The following ACSM2B variants were observed in gnomAD, a reference collection of about 807,000 sequenced individuals.
The protein encoded by ACSM2B is acyl-CoA synthetase medium chain family member 2B.
A neutral mutation model predicts 78.6 loss-of-function variants in ACSM2B; 58 were observed. The ratio of observed to expected loss-of-function variants is 0.74; its 90% CI spans 0.60 to 0.92. The LOEUF (loss-of-function observed/expected upper bound fraction) is 0.92, where lower values mean the gene tolerates loss of function less well. Ranked by LOEUF, ACSM2B falls within the 40% of genes least tolerant of loss-of-function variation. ACSM2B has a pLI of 0.00. For missense variants in ACSM2B, 688 were observed against 711.2 expected (o/e 0.97, Z 0.37); for synonymous variants, 257 against 256.8 (o/e 1.00, Z -0.01).
intron 3 of ACSM2B, among the ~76,000 whole-genome samples, chr16:20,556,366 C>A (rs1567212621): frequency 6.6e-6 from 1 of 152,178 alleles, no homozygotes; most frequent in East Asian, 1.9e-4. Context: ...CTTTTGGAGG[C>A]CAAGGAGGGC....
chr16:20,543,347 T>A, intron 10 of ACSM2B, 85 bp from the exon 11 acceptor site: 1 of 1,600,538 alleles, frequency 6.2e-7, no homozygotes, highest in South Asian at 1.1e-5. Flanking sequence ...ATGCTATGAG[T>A]CTTATTAAAA....
At chr16:20,540,596 T>C (rs1378265548) in intron 13 of ACSM2B, 58 bp downstream of exon 13, 2 of 1,596,778 alleles carry the variant, frequency 1.3e-6, no homozygotes, top group Non-Finnish European at 1.7e-6. Context: ...AAGATAAATA[T>C]AACAGGAAAA....
chr16:20,550,421 T>C (rs2015275270), intron 6 of ACSM2B, among the ~76,000 whole-genome samples: 1 of 152,176 alleles, frequency 6.6e-6, no homozygotes, highest in Non-Finnish European at 1.5e-5. Context: ...TTAATTTCCT[T>C]AGTCTTTTCC....
At chr16:20,556,640 A>T (rs917759066) in intron 3 of ACSM2B, among the ~76,000 whole-genome samples, 2 of 152,066 alleles carry the variant, frequency 1.3e-5, no homozygotes, top group African/African-American at 2.4e-5. Context: ...GAATAACTAC[A>T]CAGGTTTCAT....
At chr16:20,566,182 C>T (rs2015824453) in intron 1 of ACSM2B, among the ~76,000 whole-genome samples, 1 of 138,210 alleles carries the variant, frequency 7.2e-6, no homozygotes, top group South Asian at 2.2e-4. Context: ...CGTCACACTC[C>T]TGTGCCTTTC....
At chr16:20,551,751 T>C (rs535870676) in intron 6 of ACSM2B, among the ~76,000 whole-genome samples, 3 of 152,008 alleles carry the variant, frequency 2.0e-5, no homozygotes, top group Non-Finnish European at 4.4e-5. Flanking sequence ...AAAAAGGAAA[T>C]GAAATGTGCA....
chr16:20,567,684 A>G (rs187285354), intron 1 of ACSM2B, among the ~76,000 whole-genome samples: 141 of 138,470 alleles, frequency 1.0e-3, no homozygotes, highest in African/African-American at 3.4e-3. Flanking sequence ...ATATATATCT[A>G]GACCTAAGTG....
rs2015193264 is a variant in ACSM2B at position 20,548,059 on chromosome 16, T to C, written c.1098+3A>G. On this transcript the variant is annotated splice_donor_region_variant and intron_variant, in intron 8 of 13. Transcript: ENST00000329697. ...AGCCCATGGTTCCCCTGGGAACAGG[T>C]ACCGTTTCTGTCTGGCCATAGAATT... 6 of 1,613,868 alleles carry C rather than the reference T, an allele frequency of 3.7e-6. No individual in the cohort carries two copies. Among genetic ancestry groups the C allele is most frequent in the Middle Eastern group, 1.6e-4 (1 of 6,084 alleles).
chr16:20,563,141 C>CT (rs1361090938), intron 2 of ACSM2B, among the ~76,000 whole-genome samples: 1 of 152,080 alleles, frequency 6.6e-6, no homozygotes, highest in Non-Finnish European at 1.5e-5. Context: ...GATAATTAAA[C>CT]TAATTTTTCT....
intron 1 of ACSM2B, among the ~76,000 whole-genome samples, chr16:20,565,439 T>C (rs1310629921): frequency 6.6e-6 from 1 of 152,014 alleles, no homozygotes. Context: ...AAATGTGGAG[T>C]TGAGCTGAGC....
chr16:20,571,847 G>A (rs1287269535), intron 1 of ACSM2B, among the ~76,000 whole-genome samples: 1 of 150,714 alleles, frequency 6.6e-6, no homozygotes, highest in East Asian at 2.0e-4. Flanking sequence ...TTTTCTAACT[G>A]CTGTGGCTTT....
At chr16:20,545,962 A>G (rs1197373276) in intron 9 of ACSM2B, among the ~76,000 whole-genome samples, 1 of 152,222 alleles carries the variant, frequency 6.6e-6, no homozygotes, top group Non-Finnish European at 1.5e-5. Context: ...GTCCGATAAA[A>G]GGCATAAACA....
chr16:20,558,770 C>G (rs760727919), intron 3 of ACSM2B, among the ~76,000 whole-genome samples: 1 of 152,202 alleles, frequency 6.6e-6, no homozygotes, highest in Non-Finnish European at 1.5e-5. Context: ...GTTCCAACTA[C>G]TCAAGTTGCC....
At chr16:20,537,713 GT>G (rs1204820790) in intron 13 of ACSM2B, among the ~76,000 whole-genome samples, 3 of 152,188 alleles carry the variant, frequency 2.0e-5, no homozygotes, top group Non-Finnish European at 4.4e-5. Flanking sequence ...CTAAGACTCA[GT>G]TTTCCCACTG....
intron 3 of ACSM2B, among the ~76,000 whole-genome samples, chr16:20,557,146 T>C (rs138494434): frequency 6.6e-6 from 1 of 152,282 alleles, no homozygotes; most frequent in Non-Finnish European, 1.5e-5. Context: ...CCTTTTAATA[T>C]AAAAGTTGAT....
At chr16:20,568,497 T>C (rs578044537) in intron 1 of ACSM2B, among the ~76,000 whole-genome samples, 3 of 150,972 alleles carry the variant, frequency 2.0e-5, no homozygotes, top group South Asian at 4.2e-4. Flanking sequence ...TGGTTCCATA[T>C]TCCTGTAATT....
At chr16:20,559,765 A>G (rs1454574301) in intron 2 of ACSM2B, among the ~76,000 whole-genome samples, 4 of 151,022 alleles carry the variant, frequency 2.6e-5, no homozygotes, top group Non-Finnish European at 5.9e-5. Context: ...TGAAAAAATA[A>G]TGAGGAAAGT....
At position 20,556,919 on chromosome 16, in the gene ACSM2B, A is replaced by G. The variant is rs780566372; in HGVS notation, c.389-1443T>C. On this transcript the variant is annotated intron_variant, in intron 3 of 13. Transcript: ENST00000329697. ...TTCCACAGGCTTCCAAGTTCCTGCA[A>G]TTGGTTTGGTTGCCTCTGATAGTTT... is the stretch of plus-strand genomic sequence containing the variant. Among the ~76,000 whole-genome samples the G allele has an allele frequency of 7.2e-5, 11 of 151,898 alleles. No individual in the cohort carries two copies. The East Asian group carries it at 1.6e-3, about 21-fold the overall frequency.
rs2014847774 is a variant in ACSM2B at position 20,536,483 on chromosome 16, G to A, written c.*775C>T. On this transcript the variant is annotated 3_prime_UTR_variant, in exon 14 of 14. Transcript: ENST00000329697. Reference sequence around the variant, plus strand: ...GCTTAATAAATGGTGGTTCCCCTCTGACCCTGACAGTTTCAAGGTTTGGAG... The same window carrying A: ...GCTTAATAAATGGTGGTTCCCCTCTAACCCTGACAGTTTCAAGGTTTGGAG... The A allele has an allele frequency of 6.6e-6, 1 of 152,064 alleles. No homozygotes were observed. The highest frequency in any genetic ancestry group is 2.4e-5 in the African/African-American group (1 of 41,400). The allele number at this position is 152,064 out of a possible 1,614,324, so 9.4% of individuals were successfully genotyped here.
Sources: allele counts gnomAD v4.1 joint callset (sites outside exome capture counted in the v4.1 genomes callset), GRCh38; gene constraint gnomAD v4.1.1; transcripts MANE v1.5; gene names NCBI Gene and HGNC (gene_info 2026-07-23, HGNC 2026-07-21).